The following ZNF287 variants were observed in gnomAD, a reference collection of about 807,000 sequenced individuals.
The protein encoded by ZNF287 is zinc finger protein 287, also known as zinc finger protein with KRAB and SCAN domains 13.
Under a neutral mutation model 73.7 loss-of-function variants are expected in ZNF287, and 31 were observed. That is an observed-to-expected ratio of 0.42 (90% CI 0.32 to 0.57). The LOEUF is 0.57. Among genes scored for constraint, ZNF287 ranks in the 20% least tolerant of loss-of-function variants. The pLI, the probability that ZNF287 is intolerant of heterozygous loss-of-function variation, is 0.13. For synonymous variants in ZNF287, 301 were observed against 307.2 expected, an observed-to-expected ratio of 0.98 and a Z score of 0.21; for missense variants, 641 against 909.3, an observed-to-expected ratio of 0.70 and a Z score of 3.79.
In ZNF287 at chr17:16,549,259, G is replaced by A. The variant is rs1289928809; in HGVS notation, c.*2597C>T. Among the ~76,000 whole-genome samples, 1 of 152,096 alleles carries A rather than the reference G, an allele frequency of 6.6e-6. No homozygotes were observed. Among genetic ancestry groups the A allele is most frequent in the Non-Finnish European group, 1.5e-5 (1 of 68,022 alleles). The stretch of plus-strand genomic sequence containing the variant: ...GTGGGAAAAATACACAAAGATCTAG[G>A]GTTCTCCACTATTACTAGTCTGTTA... On this transcript the variant is annotated 3_prime_UTR_variant, in exon 6 of 6. Coordinates refer to ENST00000395825, the MANE Select transcript of ZNF287 (RefSeq NM_020653.4).
At chr17:16,560,814 T>A (rs1352344406) in intron 5 of ZNF287, among the ~76,000 whole-genome samples, 1 of 145,326 alleles carries the variant, frequency 6.9e-6, no homozygotes, top group Non-Finnish European at 1.5e-5. Flanking sequence ...CCATCTTGGT[T>A]AACATGGTGA....
intron 4 of ZNF287, 103 bp downstream of exon 4, chr17:16,563,593 TAAG>T (rs1907572997): frequency 4.6e-6 from 6 of 1,315,846 alleles, no homozygotes; most frequent in Non-Finnish European, 5.2e-6. Flanking sequence ...TTGAATGAGA[TAAG>T]AACATTTATT....
Position 16,552,804 on chromosome 17 carries a change from A to G in ZNF287, c.1338T>C (p.His446=). 1 of 1,614,068 alleles carries G rather than the reference A, an allele frequency of 6.2e-7. No homozygotes were observed. The highest frequency in any genetic ancestry group is 8.5e-7 in the Non-Finnish European group (1 of 1,180,004). Residue 446 remains histidine (H), a synonymous_variant, in exon 6 of 6, where the codon CAT becomes CAC. Coordinates refer to ENST00000395825, the MANE Select transcript of ZNF287 (RefSeq NM_020653.4). The surrounding 1 kb of genome is among the most constrained non-coding windows in gnomAD (Gnocchi z 6.5). The part of the protein sequence containing the change: ...RAHLTIHQRI[H]TGEKPYKCDD... ...CACACTTATAGGGTTTCTCTCCAGT[A>G]TGAATTCTCTGATGTATAGTAAGGT...
chr17:16,562,189 T>C (rs1332831721), intron 5 of ZNF287, among the ~76,000 whole-genome samples: 1 of 151,968 alleles, frequency 6.6e-6, no homozygotes, highest in Non-Finnish European at 1.5e-5. Flanking sequence ...GGAATGAGAA[T>C]GAAAAAGTCC....
At chr17:16,564,314 C>A (rs1418147212) in intron 3 of ZNF287, among the ~76,000 whole-genome samples, 2 of 152,170 alleles carry the variant, frequency 1.3e-5, no homozygotes, top group Admixed American at 1.3e-4. Flanking sequence ...GATCCTCTCA[C>A]CTCACCCTCC....
intron 3 of ZNF287, among the ~76,000 whole-genome samples, chr17:16,564,293 T>A (rs138599101): frequency 4.6e-5 from 7 of 152,296 alleles, no homozygotes; most frequent in Non-Finnish European, 1.5e-5. Flanking sequence ...CTCAAACTCC[T>A]GGGCAGAAGT....
Position 16,552,222 on chromosome 17 carries a change from C to A in ZNF287, c.1920G>T (p.Arg640Ser). Residue 640 changes from arginine (R) to serine (S), a missense_variant, in exon 6 of 6, where the codon AGG becomes AGT. Arg to Ser is a moderately radical substitution (Grantham distance 110, BLOSUM62 -1). This residue lies in a region of ZNF287 where 284 missense variants were observed against 466.8 expected (regional missense o/e 0.61). Transcript: ENST00000395825. This position sits in a 1 kb window ranked among gnomAD's most constrained non-coding sequence, Gnocchi z 6.5. Reference protein sequence around the residue: ...SQSVHLTQHQRIHNGEKPFKC... With the variant: ...SQSVHLTQHQSIHNGEKPFKC... ...TAAAGGGTTTTTCTCCATTATGAATCCTCTGATGTTGAGTAAGGTGCACAC... is the reference window on the plus strand; with the variant it reads ...TAAAGGGTTTTTCTCCATTATGAATACTCTGATGTTGAGTAAGGTGCACAC... 6.2e-7 allele frequency: 1 copy of A among 1,613,936 alleles called. No homozygotes were observed. Among genetic ancestry groups the A allele is most frequent in the Non-Finnish European group, 8.5e-7 (1 of 1,179,958 alleles).
chr17:16,560,532 T>C (rs1302291785), intron 5 of ZNF287, among the ~76,000 whole-genome samples: 2 of 151,020 alleles, frequency 1.3e-5, no homozygotes, highest in Non-Finnish European at 2.9e-5. Context: ...GTATTTTCAG[T>C]AGAGACAGAG....
In ZNF287 at chr17:16,549,163, T is replaced by C. The variant is rs1906478098; in HGVS notation, c.*2693A>G. On this transcript the variant is annotated 3_prime_UTR_variant, in exon 6 of 6. Transcript: ENST00000395825. ...TTTCTATATATTTGAAAACTCATAATAAAAAGTTCTGGAAAATAAGGCTAT... is the reference window on the plus strand; with the variant it reads ...TTTCTATATATTTGAAAACTCATAACAAAAAGTTCTGGAAAATAAGGCTAT... 6.6e-6 allele frequency among the ~76,000 whole-genome samples: 1 copy of C among 152,168 alleles called. No homozygotes were observed. Among genetic ancestry groups the C allele is most frequent in the African/African-American group, 2.4e-5 (1 of 41,438 alleles).
chr17:16,551,774 C>A lies in ZNF287; in HGVS notation c.*82G>T. 6.9e-7 allele frequency: 1 copy of A among 1,445,702 alleles called. No homozygotes were observed. Among genetic ancestry groups the A allele is most frequent in the Non-Finnish European group, 9.4e-7 (1 of 1,069,442 alleles). 89.6% of individuals were successfully genotyped at this position (1,445,702 alleles called of 1,614,324 possible). A position where few individuals can be genotyped will look rare whatever the true frequency, so the allele number is the denominator to read the frequency against. ...TAACATATTGCACTTCTTCAGACTT[C>A]TTCTGAATGTTCTGACACATAGAAT... On this transcript the variant is annotated 3_prime_UTR_variant, in exon 6 of 6. Transcript: ENST00000395825.
At chr17:16,561,834 A>G (rs1907467675) in intron 5 of ZNF287, among the ~76,000 whole-genome samples, 1 of 152,250 alleles carries the variant, frequency 6.6e-6, no homozygotes, top group African/African-American at 2.4e-5. Flanking sequence ...ACTGGGGAGA[A>G]AAATATCTAT....
chr17:16,565,024 GTTTAT>G (rs1243381944), intron 3 of ZNF287, among the ~76,000 whole-genome samples: 1 of 151,586 alleles, frequency 6.6e-6, no homozygotes, highest in Admixed American at 6.6e-5. Context: ...CTGGCCACGT[GTTTAT>G]TTTTTCATAT....
Position 16,551,852 on chromosome 17 carries a change from T to C in ZNF287, c.*4A>G, listed in dbSNP as rs2142455115. ...TAAAACCGAATTGAAGTTTCCCTTA[T>C]CCATTAATTACGATGTTTGGCACCT... On this transcript the variant is annotated 3_prime_UTR_variant, in exon 6 of 6. Transcript: ENST00000395825. 6.4e-7 allele frequency: 1 copy of C among 1,567,142 alleles called. No homozygotes were observed. Among genetic ancestry groups the C allele is most frequent in the Non-Finnish European group, 8.6e-7 (1 of 1,156,898 alleles).
chr17:16,556,473 T>A (rs1382268506), intron 5 of ZNF287, among the ~76,000 whole-genome samples: 2 of 152,224 alleles, frequency 1.3e-5, no homozygotes, highest in Non-Finnish European at 2.9e-5. Flanking sequence ...ATATTACTTT[T>A]GTTGCTATTT....
chr17:16,552,106 T>C lies in ZNF287; in HGVS notation c.2036A>G (p.Asn679Ser), dbSNP rs1398171250. Residue 679 changes from asparagine to serine, a missense_variant, in exon 6 of 6, where the codon AAT becomes AGT. Around this residue, in one of 2 missense-constraint regions of ZNF287, gnomAD observed 284 missense variants for 466.8 expected, o/e 0.61. Transcript: ENST00000395825. This position sits in a 1 kb window ranked among gnomAD's most constrained non-coding sequence, Gnocchi z 6.5. ...IHTGEKPYKC[N>S]ECGKAFIYSS... ...ATAAATGAAAGCTTTCCCACATTCA[T>C]TACATTTATAGGGTTTTTCTCCAGT... 1.9e-6 allele frequency: 3 copies of C among 1,614,116 alleles called. No individual in the cohort carries two copies. The highest frequency in any genetic ancestry group is 1.7e-6 in the Non-Finnish European group (2 of 1,179,976).
Position 16,552,104 on chromosome 17 carries a change from C to G in ZNF287, c.2038G>C (p.Glu680Gln), listed in dbSNP as rs866538602. 1.2e-6 allele frequency: 2 copies of G among 1,614,044 alleles called. No homozygotes were observed. Among genetic ancestry groups the G allele is most frequent in the East Asian group, 4.5e-5 (2 of 44,872 alleles). ...HTGEKPYKCNECGKAFIYSSS... is the reference protein window; with the variant it reads ...HTGEKPYKCNQCGKAFIYSSS... The stretch of plus-strand genomic sequence containing the variant: ...GAATAAATGAAAGCTTTCCCACATT[C>G]ATTACATTTATAGGGTTTTTCTCCA... The change falls in exon 6 of 6, where the codon GAA becomes CAA. Residue 680 changes from glutamate to glutamine, a missense_variant. Glu to Gln is a conservative substitution (Grantham distance 29). This residue lies in a region of ZNF287 where 284 missense variants were observed against 466.8 expected (regional missense o/e 0.61). Transcript: ENST00000395825. The surrounding 1 kb of genome is among the most constrained non-coding windows in gnomAD (Gnocchi z 6.5).
At chr17:16,561,293 G>A (rs1764622910) in intron 5 of ZNF287, among the ~76,000 whole-genome samples, 1 of 152,056 alleles carries the variant, frequency 6.6e-6, no homozygotes, top group Admixed American at 6.5e-5. Flanking sequence ...CACCCTGGGC[G>A]ACAAGAGTGA....
chr17:16,566,329 C>G (rs1176942169), intron 3 of ZNF287, among the ~76,000 whole-genome samples, 196 bp downstream of exon 3: 1 of 152,090 alleles, frequency 6.6e-6, no homozygotes, highest in Non-Finnish European at 1.5e-5. Flanking sequence ...AAAGACATAT[C>G]AAGGGAAGGC....
chr17:16,566,530 T>A lies in ZNF287; in HGVS notation c.496A>T (p.Thr166Ser). 6.2e-7 allele frequency: 1 copy of A among 1,612,114 alleles called. No homozygotes were observed. Among genetic ancestry groups the A allele is most frequent in the Non-Finnish European group, 8.5e-7 (1 of 1,179,222 alleles). The change falls in exon 3 of 6, where the codon ACC becomes TCC. Residue 166 changes from threonine to serine, a missense_variant. Around this residue, in one of 2 missense-constraint regions of ZNF287, gnomAD observed 357 missense variants for 442.4 expected, o/e 0.81. Coordinates refer to ENST00000395825, the MANE Select transcript of ZNF287 (RefSeq NM_020653.4). ...FQTGWLNDLV[T>S]KESMTFKDVA... ...GAAAAGACAGTCACACTCACTTTGG[T>A]CACCAAGTCATTTAGCCATCCTGTC...
Sources: allele counts gnomAD v4.1 joint callset (sites outside exome capture counted in the v4.1 genomes callset), GRCh38; gene constraint gnomAD v4.1.1; regional missense constraint gnomAD v4.1.1; non-coding constraint Gnocchi (gnomAD v3.1); transcripts MANE v1.5; gene names NCBI Gene and HGNC (gene_info 2026-07-23, HGNC 2026-07-21).